PRKN: variants seen among roughly 807,000 people sequenced by gnomAD.
PRKN encodes the protein parkin RBR E3 ubiquitin protein ligase, also known as E3 ubiquitin-protein ligase parkin.
A neutral mutation model predicts 59.5 loss-of-function variants in PRKN; 56 were observed. That is an observed-to-expected ratio of 0.94 (90% CI 0.76 to 1.18). The LOEUF is 1.18. Ranked by LOEUF, PRKN falls within the 50% of genes most tolerant of loss-of-function variation. The pLI is 0.00. For missense variants in PRKN, 657 were observed against 596.4 expected (o/e 1.10, Z -1.06); for synonymous variants, 250 against 222.1 (o/e 1.13, Z -1.12).
chr6:162,705,898 G>A (rs1010862768), intron 1 of PRKN, among the ~76,000 whole-genome samples: 2 of 152,096 alleles, frequency 1.3e-5, no homozygotes, highest in Admixed American at 6.6e-5. Context: ...TTTGACTCCC[G>A]TGGATTCTGG....
chr6:162,556,376 T>C (rs558312772), intron 1 of PRKN, among the ~76,000 whole-genome samples: 372 of 79,974 alleles, frequency 4.7e-3, no homozygotes, highest in South Asian at 8.7e-3. Flanking sequence ...TGTGTGTGTG[T>C]GTGTGTGTGT....
Position 161,359,349 on chromosome 6 carries a change from G to A in PRKN, c.1285+739C>T, listed in dbSNP as rs991705252. On this transcript the variant is annotated intron_variant, in intron 11 of 11. Transcript: ENST00000366898. This position sits in a 1 kb window ranked among gnomAD's most constrained non-coding sequence, Gnocchi z 5.4. ...AGAGAGAGGCTTGAGTGCCCATCCT[G>A]GGATGGCCGGGCTTCCCTCCCGCAA... is the stretch of plus-strand genomic sequence containing the variant. Among the ~76,000 whole-genome samples, 1 of 152,188 alleles carries A rather than the reference G, an allele frequency of 6.6e-6. No individual in the cohort carries two copies. The highest frequency in any genetic ancestry group is 1.5e-5 in the Non-Finnish European group (1 of 68,034).
At chr6:161,596,949 C>T (rs1028934898) in intron 7 of PRKN, among the ~76,000 whole-genome samples, 1 of 152,142 alleles carries the variant, frequency 6.6e-6, no homozygotes, top group Non-Finnish European at 1.5e-5. Flanking sequence ...TCCTATTCTC[C>T]GTGTACAGTG....
intron 1 of PRKN, among the ~76,000 whole-genome samples, chr6:162,528,613 C>T (rs1778386211): frequency 1.3e-5 from 2 of 151,998 alleles, no homozygotes; most frequent in South Asian, 4.1e-4. Flanking sequence ...GAAGCTAAGA[C>T]ATTACTAATT....
chr6:161,895,688 C>T (rs576419023), intron 6 of PRKN, among the ~76,000 whole-genome samples: 31 of 148,038 alleles, frequency 2.1e-4, no homozygotes, highest in African/African-American at 8.0e-4. Context: ...TGTTATGCCC[C>T]CCAGTGAGGC....
chr6:161,797,258 T>A (rs1790888952), intron 6 of PRKN, among the ~76,000 whole-genome samples: 1 of 152,160 alleles, frequency 6.6e-6, no homozygotes, highest in Admixed American at 6.5e-5. Context: ...CTTTCTTTCT[T>A]TCTGTTTTTT....
intron 2 of PRKN, among the ~76,000 whole-genome samples, chr6:162,370,165 C>G (rs983936500): frequency 6.6e-6 from 1 of 152,122 alleles, no homozygotes; most frequent in African/African-American, 2.4e-5. Flanking sequence ...TTGATGTGAT[C>G]GTCAGCTCTT....
chr6:162,144,475 G>A (rs527345787), intron 4 of PRKN, among the ~76,000 whole-genome samples: 1 of 152,132 alleles, frequency 6.6e-6, no homozygotes, highest in Non-Finnish European at 1.5e-5. Context: ...AGATGAGATC[G>A]AGGTGGAAGG....
At chr6:162,086,424 C>T (rs139767593) in intron 4 of PRKN, among the ~76,000 whole-genome samples, 1 of 152,196 alleles carries the variant, frequency 6.6e-6, no homozygotes, top group Non-Finnish European at 1.5e-5. Context: ...TAAGGTAACA[C>T]CTTTTTCACC....
intron 6 of PRKN, among the ~76,000 whole-genome samples, chr6:161,799,528 A>C (rs1305086818): frequency 6.6e-6 from 1 of 152,242 alleles, no homozygotes; most frequent in South Asian, 2.1e-4. Flanking sequence ...CGACTTCCAC[A>C]TAATGGAAAG....
At chr6:162,049,544 G>A (rs1156543540) in intron 5 of PRKN, among the ~76,000 whole-genome samples, 1 of 152,118 alleles carries the variant, frequency 6.6e-6, no homozygotes, top group Non-Finnish European at 1.5e-5. Context: ...AAAAAATATA[G>A]TTGGATATGA....
chr6:161,599,805 T>C (rs1046037485), intron 7 of PRKN, among the ~76,000 whole-genome samples: 1 of 152,164 alleles, frequency 6.6e-6, no homozygotes, highest in Non-Finnish European at 1.5e-5. Flanking sequence ...CCTCAAACAC[T>C]CCCAAAGTAT....
At chr6:161,662,005 A>G (rs1199175550) in intron 7 of PRKN, among the ~76,000 whole-genome samples, 1 of 152,194 alleles carries the variant, frequency 6.6e-6, no homozygotes, top group Non-Finnish European at 1.5e-5. Context: ...CCTGGGCAAC[A>G]GAGCGAGACT....
rs62436575 is a variant in PRKN at position 161,447,585 on chromosome 6, C to G, written c.1084-60708G>C. 0.16 allele frequency among the ~76,000 whole-genome samples: 24,885 copies of G among 152,072 alleles called. 2,282 individuals are homozygous for G. The highest frequency in any genetic ancestry group is 0.21 in the Non-Finnish European group (14,204 of 67,974). On this transcript the variant is annotated intron_variant, in intron 9 of 11. Coordinates refer to ENST00000366898, the MANE Select transcript of PRKN (RefSeq NM_004562.3). The surrounding 1 kb of genome is among the most constrained non-coding windows in gnomAD (Gnocchi z 4.1). Reference sequence around the variant, plus strand: ...CTCAGCTCACTGCAACCTCCGCCTCCCGGGTTCAAGCGATGCTCCTGCCTC... The same window carrying G: ...CTCAGCTCACTGCAACCTCCGCCTCGCGGGTTCAAGCGATGCTCCTGCCTC...
intron 6 of PRKN, among the ~76,000 whole-genome samples, chr6:161,872,519 T>A (rs1157667024): frequency 6.6e-6 from 1 of 152,146 alleles, no homozygotes; most frequent in Non-Finnish European, 1.5e-5. Context: ...GGCGCTCCTG[T>A]CCTCAACTCC....
intron 2 of PRKN, among the ~76,000 whole-genome samples, chr6:162,343,223 A>G (rs927769581): frequency 6.6e-6 from 1 of 152,226 alleles, no homozygotes. Context: ...AAGTTTAAAT[A>G]ACACAGGTAT....
intron 7 of PRKN, among the ~76,000 whole-genome samples, chr6:161,714,812 C>A (rs1786902769): frequency 6.6e-6 from 1 of 152,118 alleles, no homozygotes; most frequent in African/African-American, 2.4e-5. Flanking sequence ...CAGGACAGAA[C>A]CGGTGAGAGA....
At chr6:162,673,351 ACACT>A (rs376173496) in intron 1 of PRKN, among the ~76,000 whole-genome samples, 3 of 152,208 alleles carry the variant, frequency 2.0e-5, no homozygotes, top group African/African-American at 7.2e-5. Context: ...TTTGTAACTT[ACACT>A]CACTCACTTT....
chr6:162,696,202 C>T (rs1010710808), intron 1 of PRKN, among the ~76,000 whole-genome samples: 1 of 152,048 alleles, frequency 6.6e-6, no homozygotes, highest in African/African-American at 2.4e-5. Context: ...TTCTAAGTAT[C>T]ATAAAAGAAA....
Sources: gnomAD v4.1 joint callset for allele counts (sites outside exome capture counted in the v4.1 genomes callset) on GRCh38, gnomAD v4.1.1 for gene constraint, Gnocchi (gnomAD v3.1) non-coding constraint, MANE v1.5 for transcripts, NCBI Gene and HGNC (gene_info 2026-07-23, HGNC 2026-07-21) for gene names.